PTPRD: variants seen among roughly 807,000 people sequenced by gnomAD.
PTPRD encodes protein tyrosine phosphatase receptor type D, also known as receptor-type tyrosine-protein phosphatase delta.
PTPRD carries 34 observed loss-of-function variants against 214.5 expected under a neutral mutation model. That is an observed-to-expected ratio of 0.16 (90% CI 0.12 to 0.21). PTPRD has a LOEUF of 0.21. Among genes scored for constraint, PTPRD ranks in the 10% least tolerant of loss-of-function variants. The pLI, the probability that PTPRD is intolerant of heterozygous loss-of-function variation, is 1.00. For missense variants in PTPRD, 2,545 were observed against 2,398.7 expected, an observed-to-expected ratio of 1.06 and a Z score of -1.27; for synonymous variants, 1,128 against 845.7, an observed-to-expected ratio of 1.33 and a Z score of -5.79.
chr9:8,712,055 C>A (rs1420155896), intron 12 of PTPRD, among the ~76,000 whole-genome samples: 1 of 152,132 alleles, frequency 6.6e-6, no homozygotes, highest in African/African-American at 2.4e-5. Flanking sequence ...AAGACTCATA[C>A]AACAGTACAA....
At chr9:8,710,535 G>A (rs2098310398) in intron 12 of PTPRD, among the ~76,000 whole-genome samples, 1 of 152,130 alleles carries the variant, frequency 6.6e-6, no homozygotes, top group Non-Finnish European at 1.5e-5. Context: ...AGGATCACCT[G>A]AGCCCAACAG....
In PTPRD at chr9:9,955,611, C is replaced by G. The variant is rs781506256; in HGVS notation, c.-471-17001G>C. Among the ~76,000 whole-genome samples the G allele has an allele frequency of 3.9e-4, 59 of 151,674 alleles. 2 individuals carry two copies. Among genetic ancestry groups the G allele is most frequent in the Non-Finnish European group, 5.3e-4 (36 of 67,936 alleles). On this transcript the variant is annotated intron_variant, in intron 4 of 45. Transcript: ENST00000381196. ...CGATCTTGGCTAACTGCAAGCTCCG[C>G]CTCCCAGGTTCACGCCATTCTCCTG...
intron 2 of PTPRD, among the ~76,000 whole-genome samples, chr9:10,497,424 C>T (rs995232110): frequency 3.3e-5 from 5 of 151,896 alleles, no homozygotes; most frequent in Non-Finnish European, 7.4e-5. Flanking sequence ...TACTCTCAGC[C>T]TTTAATACAT....
intron 4 of PTPRD, among the ~76,000 whole-genome samples, chr9:9,965,805 A>T (rs2094649725): frequency 6.6e-6 from 1 of 152,180 alleles, no homozygotes. Flanking sequence ...CAACATTAAA[A>T]CTTAGAGCTC....
At chr9:9,022,916 T>A (rs991243505) in intron 10 of PTPRD, among the ~76,000 whole-genome samples, 1 of 152,072 alleles carries the variant, frequency 6.6e-6, no homozygotes, top group Non-Finnish European at 1.5e-5. Flanking sequence ...GAAAATAAAA[T>A]GTAGAAATTT....
chr9:8,500,208 G>C (rs768313574), intron 24 of PTPRD, among the ~76,000 whole-genome samples: 37 of 152,008 alleles, frequency 2.4e-4, no homozygotes, highest in Non-Finnish European at 3.5e-4. Context: ...GCTGTTGATT[G>C]TTGTGTGTTT....
intron 8 of PTPRD, among the ~76,000 whole-genome samples, chr9:9,451,315 T>A (rs16929416): frequency 2.7e-4 from 41 of 151,944 alleles, no homozygotes; most frequent in Non-Finnish European, 2.2e-4. Context: ...ACACTTCATC[T>A]GTCTTGATTT....
chr9:9,443,602 T>A (rs2089183278), intron 8 of PTPRD, among the ~76,000 whole-genome samples: 2 of 152,086 alleles, frequency 1.3e-5, no homozygotes, highest in Admixed American at 6.5e-5. Flanking sequence ...TGACTACTTG[T>A]CAGAAAGATC....
At chr9:9,014,811 C>T (rs185168360) in intron 11 of PTPRD, among the ~76,000 whole-genome samples, 418 of 152,250 alleles carry the variant, frequency 2.7e-3, no homozygotes, top group African/African-American at 8.8e-3. Context: ...TACATTGACA[C>T]ACTTAAGACT....
At chr9:9,867,240 G>C (rs923975113) in intron 5 of PTPRD, among the ~76,000 whole-genome samples, 21 of 152,068 alleles carry the variant, frequency 1.4e-4, no homozygotes, top group African/African-American at 4.8e-4. Context: ...TGATCACATA[G>C]TTGGCTTACT....
chr9:9,104,974 G>T (rs1425414529), intron 10 of PTPRD, among the ~76,000 whole-genome samples: 1 of 152,156 alleles, frequency 6.6e-6, no homozygotes, highest in Non-Finnish European at 1.5e-5. Flanking sequence ...AACACAGAAA[G>T]TAAAATGAAG....
intron 11 of PTPRD, among the ~76,000 whole-genome samples, chr9:8,735,764 T>A (rs1017766289): frequency 3.3e-5 from 5 of 151,766 alleles, no homozygotes; most frequent in African/African-American, 1.2e-4. Flanking sequence ...ACAAAAAAAT[T>A]AGCCAGGCGT....
intron 3 of PTPRD, among the ~76,000 whole-genome samples, chr9:10,126,656 C>G (rs181697287): frequency 6.6e-6 from 1 of 152,162 alleles, no homozygotes; most frequent in East Asian, 1.9e-4. Flanking sequence ...TAGATTCTTT[C>G]TTTTTTCTTT....
At chr9:10,171,616 C>T (rs985265602) in intron 3 of PTPRD, among the ~76,000 whole-genome samples, 8 of 152,180 alleles carry the variant, frequency 5.3e-5, no homozygotes, top group Non-Finnish European at 7.3e-5. Flanking sequence ...GCTCCGCCTC[C>T]CGGGTTCACG....
chr9:9,732,638 C>G (rs1025017214), intron 7 of PTPRD, among the ~76,000 whole-genome samples: 1 of 152,086 alleles, frequency 6.6e-6, no homozygotes, highest in Non-Finnish European at 1.5e-5. Flanking sequence ...AATGGGGAGG[C>G]AAAATTTGTG....
At chr9:9,024,348 G>GTTTTTTTTTTTTTTTTTTTTTT (rs752607769) in intron 10 of PTPRD, among the ~76,000 whole-genome samples, 1 of 64,182 alleles carries the variant, frequency 1.6e-5, no homozygotes. Context: ...GTTTTTTTTT[G>GTTTTTTTTTTTTTTTTTTTTTT]TTTGTTTTTT....
intron 8 of PTPRD, among the ~76,000 whole-genome samples, chr9:9,483,784 T>C (rs1255749534): frequency 6.6e-6 from 1 of 151,512 alleles, no homozygotes; most frequent in African/African-American, 2.4e-5. Flanking sequence ...TTCTTTCTTT[T>C]TTTTTTTTTT....
chr9:9,266,047 T>C (rs1430988403), intron 9 of PTPRD, among the ~76,000 whole-genome samples: 1 of 151,504 alleles, frequency 6.6e-6, no homozygotes, highest in Non-Finnish European at 1.5e-5. Flanking sequence ...AAAGATATTG[T>C]ATGCAAATAA....
chr9:8,676,401 T>A (rs1392032763), intron 12 of PTPRD, among the ~76,000 whole-genome samples: 15 of 147,052 alleles, frequency 1.0e-4, no homozygotes, highest in Non-Finnish European at 6.0e-5. Context: ...TTTTTTTTTT[T>A]AGATGGAGTT....
Sources: gnomAD v4.1 joint callset for allele counts (sites outside exome capture counted in the v4.1 genomes callset) on GRCh38, gnomAD v4.1.1 for gene constraint, MANE v1.5 for transcripts, NCBI Gene and HGNC (gene_info 2026-07-23, HGNC 2026-07-21) for gene names.